BDH2: variants seen among roughly 807,000 people sequenced by gnomAD.
The protein encoded by BDH2 is 3-hydroxybutyrate dehydrogenase 2.
A neutral mutation model predicts 33.2 loss-of-function variants in BDH2; 24 were observed. The observed-to-expected ratio is 0.72, with a 90% CI of 0.52 to 1.02. BDH2 has a LOEUF of 1.02. BDH2 is among the 50% of genes least tolerant of loss of function. BDH2 has a pLI of 0.00. For missense variants in BDH2, 249 were observed against 301.6 expected (o/e 0.83, Z 1.29); for synonymous variants, 81 against 101.6 (o/e 0.80, Z 1.22).
chr4:103,095,060 A>G (rs919896803), intron 3 of BDH2, 143 bp downstream of exon 3: 4 of 581,464 alleles, frequency 6.9e-6, no homozygotes, highest in Non-Finnish European at 1.2e-5. Flanking sequence ...TTCACAAAAT[A>G]TAGATTTCAT....
chr4:103,087,306 G>T (rs1747840929), intron 5 of BDH2, among the ~76,000 whole-genome samples: 1 of 151,426 alleles, frequency 6.6e-6, no homozygotes, highest in Non-Finnish European at 1.5e-5. Flanking sequence ...TACCCTGAAG[G>T]TGATGCAGTG....
intron 4 of BDH2, chr4:103,091,845 C>T (rs1016333733): frequency 2.3e-6 from 1 of 435,664 alleles, no homozygotes; most frequent in African/African-American, 2.1e-5. Flanking sequence ...ATTTAGAATT[C>T]TCAAGGGAAA....
chr4:103,092,762 AGT>A, intron 3 of BDH2, 66 bp from the exon 4 acceptor site: 1 of 1,082,728 alleles, frequency 9.2e-7, no homozygotes, highest in Non-Finnish European at 1.4e-6. Flanking sequence ...GCTGTTTTGA[AGT>A]GTGAAGTGTG....
rs1166681614 is a variant in BDH2, at chr4:103,086,467, G to A, written c.418+13C>T. ...GTATGAGCATCGCAGTCCTCGGAAG[G>A]AGACAGACCCACCTTTGACGCTGGA... On this transcript the variant is annotated intron_variant, in intron 6 of 9. Transcript: ENST00000296424. 1.2e-6 allele frequency: 2 copies of A among 1,611,868 alleles called. No homozygotes were observed. Among genetic ancestry groups the A allele is most frequent in the South Asian group, 1.1e-5 (1 of 90,426 alleles).
At chr4:103,091,332 T>C (rs1560573472) in intron 4 of BDH2, 47 bp from the exon 5 acceptor site, 6 of 1,282,442 alleles carry the variant, frequency 4.7e-6, no homozygotes, top group Non-Finnish European at 5.7e-6. Flanking sequence ...ATTAAAATTT[T>C]TCTATTCCAT....
At chr4:103,085,309 C>T in intron 7 of BDH2, 40 bp downstream of exon 7, 1 of 1,493,876 alleles carries the variant, frequency 6.7e-7, no homozygotes, top group Non-Finnish European at 9.2e-7. Context: ...GGAAGTGTTT[C>T]AGTAAAACTT....
In BDH2 at chr4:103,079,632, T is replaced by C; in HGVS notation, c.*70A>G. 3 of 1,475,786 alleles carry C rather than the reference T, an allele frequency of 2.0e-6. No homozygotes were observed. Among genetic ancestry groups the C allele is most frequent in the Non-Finnish European group, 1.9e-6 (2 of 1,058,410 alleles). The allele number at this position is 1,475,786 out of a possible 1,614,324, so 91.4% of individuals were successfully genotyped here. ...TAACAGGAAGGAGATGATTGGTGAG[T>C]TTTCTTCGTAACCAGGTTCACTGTG... On this transcript the variant is annotated 3_prime_UTR_variant, in exon 10 of 10. Coordinates refer to ENST00000296424, the MANE Select transcript of BDH2 (RefSeq NM_020139.4).
At position 103,078,578 on chromosome 4, in the gene BDH2, TAACAG is replaced by T. The variant is rs769251042; in HGVS notation, c.*1119_*1123del. ...AAACACTGGATTATTTTTCATAACA[TAACAG>T]GTCAACAATATCGTTTTGAGGCTGA... On this transcript the variant is annotated 3_prime_UTR_variant, in exon 10 of 10. Transcript: ENST00000296424. Among the ~76,000 whole-genome samples, 1 of 152,234 alleles carries T rather than the reference TAACAG, an allele frequency of 6.6e-6. No individual in the cohort carries two copies. Among genetic ancestry groups the T allele is most frequent in the Non-Finnish European group, 1.5e-5 (1 of 68,038 alleles).
At chr4:103,091,383 T>C in intron 4 of BDH2, 98 bp from the exon 5 acceptor site, 1 of 719,312 alleles carries the variant, frequency 1.4e-6, no homozygotes, top group Non-Finnish European at 2.5e-6. Flanking sequence ...CTTAGACCAC[T>C]GTCTCTTTCC....
At chr4:103,092,364 A>G (rs1748146753) in intron 4 of BDH2, 6 of 528,582 alleles carry the variant, frequency 1.1e-5, no homozygotes, top group Admixed American at 3.3e-5. Flanking sequence ...ACAGCTTTGT[A>G]TCAGTACCAT....
At chr4:103,086,641 AT>A in intron 5 of BDH2, 101 bp from the exon 6 acceptor site, 1 of 1,413,986 alleles carries the variant, frequency 7.1e-7, no homozygotes, top group Non-Finnish European at 9.5e-7. Flanking sequence ...TGCAGAATGA[AT>A]TTAATTACTG....
Position 103,082,138 on chromosome 4 carries a change from TC to T in BDH2, c.626del (p.Gly209GlufsTer9). ...RNDFLKRQKT[G>X]RFATAEEIAM... ...CTATTTCTTCTGCAGTTGCGAATCTTCCCGTCTTTTGTCTCTTCAGGAAATC... is the reference window on the plus strand; with the variant it reads ...CTATTTCTTCTGCAGTTGCGAATCTTCCGTCTTTTGTCTCTTCAGGAAATC... On this transcript the variant is annotated frameshift_variant, in exon 9 of 10. Transcript: ENST00000296424. 6.2e-7 allele frequency: 1 copy of T among 1,614,184 alleles called. No individual in the cohort carries two copies. The highest frequency in any genetic ancestry group is 8.5e-7 in the Non-Finnish European group (1 of 1,180,020).
intron 1 of BDH2, among the ~76,000 whole-genome samples, chr4:103,096,681 CA>C (rs1195437748): frequency 6.6e-6 from 1 of 151,970 alleles, no homozygotes; most frequent in African/African-American, 2.4e-5. Flanking sequence ...GCTGGGATTA[CA>C]GGTGCCTGCC....
Position 103,095,251 on chromosome 4 carries a change from C to A in BDH2, c.103G>T (p.Ala35Ser). ...AFAREGAKVIATDINESKLQE... is the reference protein window; with the variant it reads ...AFAREGAKVISTDINESKLQE... ...AGTTTGGACTCATTAATGTCTGTGG[C>A]TATGACTTTGGCACCTTCTCTTGCA... Residue 35 changes from alanine to serine, a missense_variant, in exon 3 of 10, where the codon GCC becomes TCC. Transcript: ENST00000296424. 1 of 1,613,814 alleles carries A rather than the reference C, an allele frequency of 6.2e-7. No homozygotes were observed.
At chr4:103,080,937 A>G (rs935424079) in intron 9 of BDH2, among the ~76,000 whole-genome samples, 1 of 152,236 alleles carries the variant, frequency 6.6e-6, no homozygotes, top group African/African-American at 2.4e-5. Flanking sequence ...AAGTTCTGAG[A>G]AGAAACTGCG....
intron 5 of BDH2, 31 bp from the exon 6 acceptor site, chr4:103,086,571 A>G: frequency 3.8e-6 from 6 of 1,572,742 alleles, no homozygotes; most frequent in Non-Finnish European, 4.3e-6. Flanking sequence ...CAAAAAAAAA[A>G]AAATCCACTT....
rs112941797 is a variant in BDH2, at chr4:103,082,464, C to T, written c.592-291G>A. On this transcript the variant is annotated intron_variant, in intron 8 of 9. Transcript: ENST00000296424. ...CAGAATATAAAATTTACTATCTTAACCATTTTAAGTGTACAGTTCAATAGT... is the reference window on the plus strand; with the variant it reads ...CAGAATATAAAATTTACTATCTTAATCATTTTAAGTGTACAGTTCAATAGT... Among the ~76,000 whole-genome samples, 1,138 of 152,246 alleles carry T rather than the reference C, an allele frequency of 7.5e-3. 12 individuals carry two copies. The highest frequency in any genetic ancestry group is 0.026 in the African/African-American group (1,062 of 41,550).
At chr4:103,091,308 G>C (rs755830134) in intron 4 of BDH2, 23 bp from the exon 5 acceptor site, 2 of 1,505,546 alleles carry the variant, frequency 1.3e-6, no homozygotes, top group Admixed American at 3.4e-5. Context: ...TTAAACAATG[G>C]AAGAATAACT....
chr4:103,091,601 T>G (rs192692895), intron 4 of BDH2: 3 of 415,412 alleles, frequency 7.2e-6, no homozygotes, highest in African/African-American at 6.3e-5. Flanking sequence ...CGAACAGGGC[T>G]AGGCATGGTA....
Sources: gnomAD v4.1 joint callset for allele counts (sites outside exome capture counted in the v4.1 genomes callset) on GRCh38, gnomAD v4.1.1 for gene constraint, MANE v1.5 for transcripts, NCBI Gene and HGNC (gene_info 2026-07-23, HGNC 2026-07-21) for gene names.